The following DAP variants were observed in gnomAD, a reference collection of about 807,000 sequenced individuals.
DAP encodes death associated protein.
Under a neutral mutation model 13.8 loss-of-function variants are expected in DAP, and 8 were observed. The ratio of observed to expected loss-of-function variants is 0.58; its 90% CI spans 0.34 to 1.05. DAP has a LOEUF of 1.05. Ranked by LOEUF, DAP falls within the 50% of genes least tolerant of loss-of-function variation. The probability of loss-of-function intolerance (pLI) is 0.03; values close to 1 mark genes in which losing one functional copy is unlikely to be tolerated. For missense variants in DAP, 106 were observed against 133.2 expected, an observed-to-expected ratio of 0.80 and a Z score of 1.01; for synonymous variants, 47 against 47.5, an observed-to-expected ratio of 0.99 and a Z score of 0.04.
intron 2 of DAP, among the ~76,000 whole-genome samples, chr5:10,724,667 A>G (rs1281288739): frequency 1.3e-5 from 2 of 152,228 alleles, no homozygotes; most frequent in Non-Finnish European, 2.9e-5. Context: ...CAAGATTTTC[A>G]AAAAGTCATA....
rs149615681 is a variant in DAP at position 10,694,737 on chromosome 5, C to T, written c.153-11166G>A. On this transcript the variant is annotated intron_variant, in intron 2 of 3. Transcript: ENST00000230895. ...TACCCTCGATCAGCTTCTGCCCATA[C>T]AAAGTGAATGGGGCTGGGGGCTCTT... 1.8e-3 allele frequency among the ~76,000 whole-genome samples: 269 copies of T among 152,272 alleles called. 1 individual carries two copies. Among genetic ancestry groups the T allele is most frequent in the African/African-American group, 6.1e-3 (255 of 41,544 alleles).
chr5:10,748,160 C>T lies in DAP; in HGVS notation c.152+15G>A, dbSNP rs149545161. 179 of 1,574,906 alleles carry T rather than the reference C, an allele frequency of 1.1e-4. No individual in the cohort carries two copies. In the East Asian group the frequency reaches 3.8e-3, roughly 34 times the overall value. On this transcript the variant is annotated intron_variant, in intron 2 of 3. Coordinates refer to ENST00000230895, the MANE Select transcript of DAP (RefSeq NM_004394.3). ...TTTTGGAAAACATGCTCAAGAGTCG[C>T]TAGCATCATCCCACCTGGGGCTTTC...
intron 1 of DAP, among the ~76,000 whole-genome samples, chr5:10,750,397 T>C (rs1414605615): frequency 6.6e-6 from 1 of 152,228 alleles, no homozygotes; most frequent in Non-Finnish European, 1.5e-5. Context: ...AGCTGGCTGT[T>C]AGAAAAGGGC....
intron 1 of DAP, among the ~76,000 whole-genome samples, chr5:10,751,132 T>C (rs1377212463): frequency 6.6e-6 from 1 of 152,174 alleles, no homozygotes; most frequent in Non-Finnish European, 1.5e-5. Context: ...CCTCTGAGCA[T>C]CCAACCTTGG....
chr5:10,688,557 C>T (rs1249315506), intron 2 of DAP, among the ~76,000 whole-genome samples: 2 of 152,172 alleles, frequency 1.3e-5, no homozygotes, highest in Non-Finnish European at 2.9e-5. Flanking sequence ...CCTGCAATAT[C>T]TCTGAGGTCT....
chr5:10,747,725 G>C (rs1270781368), intron 2 of DAP, among the ~76,000 whole-genome samples: 6 of 152,184 alleles, frequency 3.9e-5, no homozygotes, highest in Non-Finnish European at 1.5e-5. Flanking sequence ...TGCCTACTTC[G>C]TCCACTCTGG....
At chr5:10,745,068 G>A (rs961148830) in intron 2 of DAP, among the ~76,000 whole-genome samples, 6 of 152,188 alleles carry the variant, frequency 3.9e-5, no homozygotes, top group Non-Finnish European at 8.8e-5. Context: ...TTAGAACAGA[G>A]CCGAGCTCAT....
Position 10,680,208 on chromosome 5 carries a change from A to C in DAP, c.*848T>G, listed in dbSNP as rs1243674021. On this transcript the variant is annotated 3_prime_UTR_variant, in exon 4 of 4. Transcript: ENST00000230895. Reference sequence around the variant, plus strand: ...TCTTATCTGGTCTTTCCAAGCTTTCAACTCTCTGGCTCAAGTGTCCCAGAA... The same window carrying C: ...TCTTATCTGGTCTTTCCAAGCTTTCCACTCTCTGGCTCAAGTGTCCCAGAA... 6.4e-6 allele frequency: 1 copy of C among 157,184 alleles called. No homozygotes were observed. The highest frequency in any genetic ancestry group is 1.8e-4 in the East Asian group (1 of 5,448). The allele number at this position is 157,184 out of a possible 1,614,324, so 9.7% of individuals were successfully genotyped here.
chr5:10,751,642 T>C (rs917760537), intron 1 of DAP, among the ~76,000 whole-genome samples: 1 of 152,182 alleles, frequency 6.6e-6, no homozygotes, highest in African/African-American at 2.4e-5. Context: ...AAATTGTAAT[T>C]GTATTTGGAG....
chr5:10,726,183 C>T lies in DAP; in HGVS notation c.152+21992G>A, dbSNP rs538853178. 1.2e-4 allele frequency among the ~76,000 whole-genome samples: 18 copies of T among 152,334 alleles called. No homozygotes were observed. The South Asian group carries it at 1.7e-3, about 14-fold the overall frequency. On this transcript the variant is annotated intron_variant, in intron 2 of 3. Coordinates refer to ENST00000230895, the MANE Select transcript of DAP (RefSeq NM_004394.3). ...GACAGTTGTCATTTATACTCTCTTC[C>T]GCCTCCCCTCTGGAGTCCTTATAAA...
chr5:10,684,798 G>A (rs992331148), intron 2 of DAP, among the ~76,000 whole-genome samples: 1 of 152,144 alleles, frequency 6.6e-6, no homozygotes, highest in South Asian at 2.1e-4. Context: ...ACTTCCAAAT[G>A]CCTCCACCAA....
At chr5:10,708,754 A>T (rs565868270) in intron 2 of DAP, among the ~76,000 whole-genome samples, 9 of 152,342 alleles carry the variant, frequency 5.9e-5, no homozygotes, top group Non-Finnish European at 1.2e-4. Context: ...CCCATATAGG[A>T]ATGCGTTTGG....
intron 2 of DAP, among the ~76,000 whole-genome samples, chr5:10,694,659 A>T (rs1299084894): frequency 6.6e-6 from 1 of 152,178 alleles, no homozygotes; most frequent in African/African-American, 2.4e-5. Flanking sequence ...TGTGCTTAGC[A>T]CTTGTGTAAC....
chr5:10,702,645 T>G (rs1176675215), intron 2 of DAP, among the ~76,000 whole-genome samples: 1 of 152,100 alleles, frequency 6.6e-6, no homozygotes, highest in East Asian at 1.9e-4. Context: ...CACAATTAGC[T>G]AGAGGCGGTA....
At chr5:10,706,488 G>A (rs914761358) in intron 2 of DAP, among the ~76,000 whole-genome samples, 2 of 152,230 alleles carry the variant, frequency 1.3e-5, no homozygotes, top group Non-Finnish European at 2.9e-5. Flanking sequence ...TGCAGCTGAT[G>A]CTTTCAAATC....
At chr5:10,724,007 C>CA (rs1269971732) in intron 2 of DAP, among the ~76,000 whole-genome samples, 1 of 152,138 alleles carries the variant, frequency 6.6e-6, no homozygotes, top group Non-Finnish European at 1.5e-5. Flanking sequence ...AAACATATAG[C>CA]AAAAAAGTAA....
intron 2 of DAP, among the ~76,000 whole-genome samples, chr5:10,684,593 C>T (rs955806060): frequency 2.0e-4 from 31 of 152,220 alleles, no homozygotes; most frequent in African/African-American, 7.0e-4. Context: ...GACAGATGTA[C>T]GTGCTTGTCT....
At position 10,679,493 on chromosome 5, in the gene DAP, G is replaced by A. The variant is rs1737925660; in HGVS notation, c.*1563C>T. 6.6e-6 allele frequency: 1 copy of A among 152,426 alleles called. No homozygotes were observed. The highest frequency in any genetic ancestry group is 2.1e-4 in the South Asian group (1 of 4,834). The allele number at this position is 152,426 out of a possible 1,614,324, so 9.4% of individuals were successfully genotyped here. A position where few individuals can be genotyped will look rare whatever the true frequency, so the allele number is the denominator to read the frequency against. ...ACAGGCCTGACCTGGTGTTGCTGGA[G>A]CGCGGCATCCCCTCCTGGGTGCTGC... On this transcript the variant is annotated 3_prime_UTR_variant, in exon 4 of 4. Transcript: ENST00000230895.
intron 2 of DAP, among the ~76,000 whole-genome samples, chr5:10,721,642 C>A (rs1279752479): frequency 6.6e-6 from 1 of 152,168 alleles, no homozygotes. Context: ...GGCAGGACTA[C>A]AAATGGCTCA....
Sources: allele counts gnomAD v4.1 joint callset (sites outside exome capture counted in the v4.1 genomes callset), GRCh38; gene constraint gnomAD v4.1.1; transcripts MANE v1.5; gene names NCBI Gene and HGNC (gene_info 2026-07-23, HGNC 2026-07-21).